Variants in CNTN5 observed in about 807,000 individuals in gnomAD.
CNTN5 encodes contactin 5.
CNTN5 carries 77 observed loss-of-function variants against 129.1 expected under a neutral mutation model. The ratio of observed to expected loss-of-function variants is 0.60; its 90% CI spans 0.50 to 0.72. The LOEUF is 0.72. Ranked by LOEUF, CNTN5 falls within the 30% of genes least tolerant of loss-of-function variation. The probability of loss-of-function intolerance (pLI) is 0.00; values close to 1 mark genes in which losing one functional copy is unlikely to be tolerated. For missense variants in CNTN5, 1,478 were observed against 1,328.8 expected (o/e 1.11, Z -1.75); for synonymous variants, 509 against 465.6 (o/e 1.09, Z -1.20).
chr11:100,298,505 T>G (rs79270419), intron 19 of CNTN5, among the ~76,000 whole-genome samples: 7,869 of 151,316 alleles, frequency 0.052, 656 homozygotes, highest in African/African-American at 0.18. Flanking sequence ...GGAAAAAAAC[T>G]ACTTAGCAAA....
chr11:99,373,711 C>CAAAAAAAAAAAAAAAAAAAAAAAA, intron 2 of CNTN5, among the ~76,000 whole-genome samples: 1 of 96,000 alleles, frequency 1.0e-5, no homozygotes, highest in South Asian at 3.9e-4. Context: ...AACTCCGTCT[C>CAAAAAAAAAAAAAAAAAAAAAAAA]AAAAAAAAAA....
rs550046659 is a variant in CNTN5, at chr11:99,719,303, G to C, written c.56-100241G>C. 5.9e-5 allele frequency among the ~76,000 whole-genome samples: 9 copies of C among 152,038 alleles called. No homozygotes were observed. The East Asian group carries it at 1.8e-3, about 30-fold the overall frequency. ...CCACTGTACTCCTGCTTGGGCGAGA[G>C]AATGAGACTTTGTCGGGAAAAAGAA... On this transcript the variant is annotated intron_variant, in intron 3 of 24. Coordinates refer to ENST00000524871, the MANE Select transcript of CNTN5 (RefSeq NM_014361.4).
chr11:99,688,475 T>C (rs2134762125), intron 3 of CNTN5, among the ~76,000 whole-genome samples: 1 of 152,308 alleles, frequency 6.6e-6, no homozygotes. Flanking sequence ...TTGGGATAAG[T>C]AAATTGGTGT....
intron 1 of CNTN5, among the ~76,000 whole-genome samples, chr11:99,105,596 C>A (rs938753688): frequency 6.6e-5 from 10 of 152,112 alleles, no homozygotes; most frequent in Non-Finnish European, 1.5e-4. Context: ...TTTAACCCCA[C>A]TTTCTAAATT....
At chr11:100,087,554 T>G (rs1944601710) in intron 13 of CNTN5, among the ~76,000 whole-genome samples, 2 of 151,858 alleles carry the variant, frequency 1.3e-5, no homozygotes, top group South Asian at 4.1e-4. Flanking sequence ...TATATAATGA[T>G]AAAGGGTTCA....
At chr11:100,312,262 T>A (rs1405968881) in intron 21 of CNTN5, among the ~76,000 whole-genome samples, 1 of 152,092 alleles carries the variant, frequency 6.6e-6, no homozygotes, top group African/African-American at 2.4e-5. Context: ...GTGAAGACTA[T>A]TTTTGATTTA....
intron 1 of CNTN5, among the ~76,000 whole-genome samples, chr11:99,133,192 T>C (rs994914442): frequency 6.6e-6 from 1 of 152,198 alleles, no homozygotes; most frequent in African/African-American, 2.4e-5. Flanking sequence ...CTGGGAGAAC[T>C]GACAAGCCAC....
intron 3 of CNTN5, among the ~76,000 whole-genome samples, chr11:99,608,516 C>G (rs1168376834): frequency 2.0e-5 from 3 of 152,060 alleles, no homozygotes; most frequent in African/African-American, 7.2e-5. Flanking sequence ...GGGACCTAAT[C>G]CAGTAAGCCT....
In CNTN5 at chr11:100,210,187, A is replaced by C. The variant is rs867463988; in HGVS notation, c.1885-14505A>C. On this transcript the variant is annotated intron_variant, in intron 15 of 24. Transcript: ENST00000524871. ...CCTGCCTCTATACAAAAAAAAAAAAAAAAAAATACAAAAAATTATCCAGGC... is the reference window on the plus strand; with the variant it reads ...CCTGCCTCTATACAAAAAAAAAAAACAAAAAATACAAAAAATTATCCAGGC... Among the ~76,000 whole-genome samples the C allele has an allele frequency of 1.1e-3, 168 of 150,518 alleles. 2 individuals are homozygous for C. The highest frequency in any genetic ancestry group is 3.4e-3 in the Middle Eastern group (1 of 292).
chr11:99,763,955 AT>A (rs1271001396), intron 3 of CNTN5, among the ~76,000 whole-genome samples: 6 of 152,064 alleles, frequency 3.9e-5, no homozygotes, highest in African/African-American at 1.4e-4. Context: ...TTGTTCACAT[AT>A]TTTTAAAATG....
At chr11:99,360,824 A>G (rs1425774353) in intron 2 of CNTN5, among the ~76,000 whole-genome samples, 1 of 152,232 alleles carries the variant, frequency 6.6e-6, no homozygotes, top group African/African-American at 2.4e-5. Context: ...TTCACAATAT[A>G]GCCAGGTTGA....
chr11:99,678,690 A>C (rs1953408914), intron 3 of CNTN5, among the ~76,000 whole-genome samples: 1 of 152,050 alleles, frequency 6.6e-6, no homozygotes, highest in Non-Finnish European at 1.5e-5. Context: ...AAAAGTTTAG[A>C]GTATAGAGAA....
In CNTN5 at chr11:99,782,009, T is replaced by C. The variant is rs1945328623; in HGVS notation, c.56-37535T>C. ...AGGCAGGAGAAGGAAATAAAAGGTA[T>C]TCAATTAGGAAAAGAGGAAGTCAAA... On this transcript the variant is annotated intron_variant, in intron 3 of 24. Transcript: ENST00000524871. Among the ~76,000 whole-genome samples the C allele has an allele frequency of 2.7e-5, 4 of 150,942 alleles. No homozygotes were observed. The Admixed American group carries it at 2.7e-4, about 10-fold the overall frequency.
At chr11:99,177,289 A>G (rs1857824234) in intron 1 of CNTN5, among the ~76,000 whole-genome samples, 1 of 151,994 alleles carries the variant, frequency 6.6e-6, no homozygotes, top group African/African-American at 2.4e-5. Context: ...CTATTTATTT[A>G]TTTGTTTATT....
chr11:99,312,076 G>T (rs568339130), intron 1 of CNTN5, among the ~76,000 whole-genome samples: 92 of 152,256 alleles, frequency 6.0e-4, no homozygotes, highest in Non-Finnish European at 1.1e-3. Flanking sequence ...TGACTGGGTT[G>T]CATCACGTGA....
intron 15 of CNTN5, among the ~76,000 whole-genome samples, chr11:100,200,909 T>A (rs1948763123): frequency 6.6e-6 from 1 of 151,946 alleles, no homozygotes; most frequent in South Asian, 2.1e-4. Context: ...TTCTGAGGTT[T>A]TGTGTTTTTC....
chr11:99,312,131 A>G (rs570971248), intron 1 of CNTN5, among the ~76,000 whole-genome samples: 3 of 152,312 alleles, frequency 2.0e-5, no homozygotes, highest in African/African-American at 4.8e-5. Flanking sequence ...TTCTGATAAA[A>G]CATGAATATA....
intron 4 of CNTN5, among the ~76,000 whole-genome samples, chr11:99,820,183 G>C (rs1946751623): frequency 6.6e-6 from 1 of 152,128 alleles, no homozygotes; most frequent in Non-Finnish European, 1.5e-5. Context: ...TAAAGGATTT[G>C]TATGCATTAT....
intron 6 of CNTN5, among the ~76,000 whole-genome samples, chr11:99,900,065 G>T (rs1591386547): frequency 6.6e-6 from 1 of 151,638 alleles, no homozygotes; most frequent in Non-Finnish European, 1.5e-5. Flanking sequence ...ATGTCATCTT[G>T]ATCATTTCTG....
Sources: gnomAD v4.1 joint callset for allele counts (sites outside exome capture counted in the v4.1 genomes callset) on GRCh38, gnomAD v4.1.1 for gene constraint, MANE v1.5 for transcripts, NCBI Gene and HGNC (gene_info 2026-07-23, HGNC 2026-07-21) for gene names.